TRIM24: variants seen among roughly 807,000 people sequenced by gnomAD.
TRIM24 encodes the protein tripartite motif containing 24, also known as transcription intermediary factor 1-alpha.
In TRIM24, 29 loss-of-function variants were observed where a neutral mutation model predicts 123.9. That is an observed-to-expected ratio of 0.23 (90% CI 0.17 to 0.32). The LOEUF is 0.32. Ranked by LOEUF, TRIM24 falls within the 10% of genes least tolerant of loss-of-function variation. The pLI, the probability that TRIM24 is intolerant of heterozygous loss-of-function variation, is 1.00. For missense variants in TRIM24, 932 were observed against 1,295.3 expected (o/e 0.72, Z 4.31); for synonymous variants, 456 against 461.1 (o/e 0.99, Z 0.14).
At chr7:138,531,224 A>G (rs977687994) in intron 6 of TRIM24, among the ~76,000 whole-genome samples, 9 of 146,722 alleles carry the variant, frequency 6.1e-5, no homozygotes, top group East Asian at 3.9e-4. Context: ...TATGTTACAT[A>G]CGTATACATG....
In TRIM24 at chr7:138,545,653, A is replaced by G. The variant is rs188342355; in HGVS notation, c.1144-5410A>G. Among the ~76,000 whole-genome samples the G allele has an allele frequency of 4.5e-3, 682 of 152,296 alleles. 5 individuals are homozygous for G. Among genetic ancestry groups the G allele is most frequent in the Middle Eastern group, 0.027 (8 of 294 alleles). The stretch of plus-strand genomic sequence containing the variant: ...ATTCGTTGTTGGTGTGCTGCATCCC[A>G]ATAGCAGTGAGGTCACTTCCTTCCA... On this transcript the variant is annotated intron_variant, in intron 7 of 18. Coordinates refer to ENST00000343526, the MANE Select transcript of TRIM24 (RefSeq NM_015905.3).
intron 4 of TRIM24, among the ~76,000 whole-genome samples, chr7:138,524,735 T>C (rs964180963): frequency 2.6e-5 from 4 of 152,138 alleles, no homozygotes; most frequent in African/African-American, 4.8e-5. Flanking sequence ...TTTAAAGTGC[T>C]GTATCTCATT....
intron 9 of TRIM24, among the ~76,000 whole-genome samples, chr7:138,562,467 T>C (rs76590615): frequency 0.018 from 2,775 of 152,298 alleles, 70 homozygotes; most frequent in African/African-American, 0.061. Context: ...AGTCCTGCAC[T>C]GGCCTGTATT....
rs943221407 is a variant in TRIM24, at chr7:138,587,425, G to A, written c.*2474G>A. 1 of 152,162 alleles carries A rather than the reference G, an allele frequency of 6.6e-6. No homozygotes were observed. Among genetic ancestry groups the A allele is most frequent in the African/African-American group, 2.4e-5 (1 of 41,422 alleles). The allele number at this position is 152,162 out of a possible 1,614,324, so 9.4% of individuals were successfully genotyped here. On this transcript the variant is annotated 3_prime_UTR_variant, in exon 19 of 19. Coordinates refer to ENST00000343526, the MANE Select transcript of TRIM24 (RefSeq NM_015905.3). The stretch of plus-strand genomic sequence containing the variant: ...AATGGTCTTTAGATTAATATCCTTT[G>A]ACTTTATTAATAAGTACCTGTGTGC...
At chr7:138,464,421 G>A (rs1795087216) in intron 1 of TRIM24, among the ~76,000 whole-genome samples, 1 of 151,960 alleles carries the variant, frequency 6.6e-6, no homozygotes, top group Admixed American at 6.6e-5. Context: ...GGTTAAATAG[G>A]TAGTTGGGAT....
At chr7:138,480,626 T>C (rs1795505839) in intron 1 of TRIM24, among the ~76,000 whole-genome samples, 1 of 152,118 alleles carries the variant, frequency 6.6e-6, no homozygotes, top group Non-Finnish European at 1.5e-5. Context: ...TGTGGGTGTT[T>C]TTTTGTTTTG....
chr7:138,525,675 G>A (rs1270917714), intron 5 of TRIM24, among the ~76,000 whole-genome samples: 1 of 152,022 alleles, frequency 6.6e-6, no homozygotes, highest in African/African-American at 2.4e-5. Context: ...TGCCAGTATT[G>A]TAAAATATTT....
chr7:138,484,221 T>A (rs148544861), intron 1 of TRIM24, among the ~76,000 whole-genome samples: 3 of 152,008 alleles, frequency 2.0e-5, no homozygotes, highest in African/African-American at 7.2e-5. Context: ...GTTATTCTCC[T>A]GCCTCAACCT....
At position 138,507,023 on chromosome 7, in the gene TRIM24, T is replaced by A. The variant is rs1013984900; in HGVS notation, c.483+2615T>A. Among the ~76,000 whole-genome samples, 16 of 152,122 alleles carry A rather than the reference T, an allele frequency of 1.1e-4. 2 individuals carry two copies. Among genetic ancestry groups the A allele is most frequent in the Non-Finnish European group, 2.1e-4 (14 of 68,024 alleles). On this transcript the variant is annotated intron_variant, in intron 2 of 18. Transcript: ENST00000343526. ...TGGATGGTGCCTTTCACAGACATCA[T>A]GATAAAGTGGGTGGGAGTTAGGTAG...
At chr7:138,477,428 T>C (rs1340042495) in intron 1 of TRIM24, among the ~76,000 whole-genome samples, 9 of 152,196 alleles carry the variant, frequency 5.9e-5, no homozygotes, top group African/African-American at 2.2e-4. Flanking sequence ...ATGTAACTGG[T>C]TCACAGTATT....
intron 2 of TRIM24, among the ~76,000 whole-genome samples, chr7:138,508,692 T>TGTGCGTGC (rs1422176564): frequency 7.3e-6 from 1 of 137,214 alleles, no homozygotes; most frequent in South Asian, 2.4e-4. Context: ...TGTGTGTGTG[T>TGTGCGTGC]GCGCGCGCGT....
At chr7:138,548,989 CT>C (rs1027183774) in intron 7 of TRIM24, among the ~76,000 whole-genome samples, 1 of 152,040 alleles carries the variant, frequency 6.6e-6, no homozygotes, top group East Asian at 1.9e-4. Context: ...GAGGCGGTCA[CT>C]TTTTTTAGTA....
intron 3 of TRIM24, among the ~76,000 whole-genome samples, chr7:138,518,729 T>C (rs1250924855): frequency 4.6e-5 from 7 of 152,128 alleles, no homozygotes; most frequent in African/African-American, 1.7e-4. Flanking sequence ...CTCTTGGTGC[T>C]CAAGCAAGCG....
chr7:138,518,781 G>A (rs1030026869), intron 3 of TRIM24, among the ~76,000 whole-genome samples: 1 of 152,086 alleles, frequency 6.6e-6, no homozygotes, highest in African/African-American at 2.4e-5. Context: ...GACTACAAGC[G>A]TGGGCCACTG....
chr7:138,469,452 G>A lies in TRIM24; in HGVS notation c.364+8540G>A, dbSNP rs571989673. ...GCCTCCCAAGTAGCTGAGATTACAG[G>A]CACACACCACCACACCTTGCTAATT... On this transcript the variant is annotated intron_variant, in intron 1 of 18. Transcript: ENST00000343526. 4.6e-5 allele frequency among the ~76,000 whole-genome samples: 7 copies of A among 151,848 alleles called. No homozygotes were observed. The South Asian group carries it at 1.5e-3, about 32-fold the overall frequency.
At chr7:138,508,684 TGTGTGTGTGCGCGCGC>T (rs1796205761) in intron 2 of TRIM24, among the ~76,000 whole-genome samples, 2 of 53,498 alleles carry the variant, frequency 3.7e-5, no homozygotes, top group South Asian at 1.1e-3. Flanking sequence ...TGTGTGTGTG[TGTGTGTGTGCGCGCGC>T]GTGTGTGCGT....
chr7:138,462,790 G>C (rs1000094554), intron 1 of TRIM24, among the ~76,000 whole-genome samples: 4 of 152,122 alleles, frequency 2.6e-5, no homozygotes, highest in Non-Finnish European at 4.4e-5. Flanking sequence ...CAGATCCTTC[G>C]CAGTAGTTTG....
At position 138,573,494 on chromosome 7, in the gene TRIM24, C is replaced by A; in HGVS notation, c.1879-13C>A. ...AAATCAGAATGCCCTGAAATAATTT[C>A]TTTTCTTGTAAGATTGACTGTTCAA... On this transcript the variant is annotated splice_polypyrimidine_tract_variant and intron_variant, in intron 11 of 18. Transcript: ENST00000343526. The A allele has an allele frequency of 6.5e-7, 1 of 1,535,152 alleles. No individual in the cohort carries two copies. Among genetic ancestry groups the A allele is most frequent in the South Asian group, 1.3e-5 (1 of 76,036 alleles).
At position 138,580,635 on chromosome 7, in the gene TRIM24, C is replaced by CACA. The variant is rs777155458; in HGVS notation, c.2662_2664dup (p.Asn888dup). 6.2e-7 allele frequency: 1 copy of CACA among 1,613,636 alleles called. No individual in the cohort carries two copies. Among genetic ancestry groups the CACA allele is most frequent in the Admixed American group, 1.7e-5 (1 of 60,004 alleles). The stretch of plus-strand genomic sequence containing the variant: ...TGAATATGATTGTGATGCTCCCAGT[C>CACA]ACAACTCAGAAAAAAAGAAAACTGA... On this transcript the variant is annotated inframe_insertion, in exon 16 of 19. Coordinates refer to ENST00000343526, the MANE Select transcript of TRIM24 (RefSeq NM_015905.3).
Sources: allele counts gnomAD v4.1 joint callset (sites outside exome capture counted in the v4.1 genomes callset), GRCh38; gene constraint gnomAD v4.1.1; transcripts MANE v1.5; gene names NCBI Gene and HGNC (gene_info 2026-07-23, HGNC 2026-07-21).